Variants in DNTTIP1 observed in about 807,000 individuals in gnomAD.
DNTTIP1 encodes the protein deoxynucleotidyltransferase terminal interacting protein 1, also known as deoxynucleotidyltransferase terminal-interacting protein 1.
DNTTIP1 carries 22 observed loss-of-function variants against 52.9 expected under a neutral mutation model. The observed-to-expected ratio is 0.42, with a 90% confidence interval of 0.30 to 0.59. DNTTIP1 has a LOEUF of 0.59. DNTTIP1 is among the 20% of genes least tolerant of loss of function. The probability of loss-of-function intolerance (pLI) is 0.22; values close to 1 mark genes in which losing one functional copy is unlikely to be tolerated. For synonymous variants in DNTTIP1, 136 were observed against 155.1 expected (o/e 0.88, Z 0.92); for missense variants, 286 against 435.5 (o/e 0.66, Z 3.06).
intron 3 of DNTTIP1, 92 bp downstream of exon 3, chr20:45,794,109 A>G: frequency 1.5e-6 from 1 of 688,936 alleles, no homozygotes; most frequent in Non-Finnish European, 2.3e-6. Context: ...TTTCCTACAT[A>G]CAGATATCTA....
At position 45,801,060 on chromosome 20, in the gene DNTTIP1, C is replaced by A; in HGVS notation, c.373-14C>A. The A allele has an allele frequency of 6.2e-7, 1 of 1,612,810 alleles. No individual in the cohort carries two copies. Among genetic ancestry groups the A allele is most frequent in the South Asian group, 1.1e-5 (1 of 91,050 alleles). On this transcript the variant is annotated splice_polypyrimidine_tract_variant and intron_variant, in intron 4 of 12. Transcript: ENST00000372622. ...AAAATAGTGACTGGTAACACTTGGT[C>A]TTTTTCCCTTCAGGCTAAACTGCTC...
intron 5 of DNTTIP1, 108 bp downstream of exon 5, chr20:45,801,250 C>T: frequency 7.3e-7 from 1 of 1,372,204 alleles, no homozygotes; most frequent in Non-Finnish European, 1.0e-6. Flanking sequence ...TTTGTAGGAC[C>T]AGGCCCACAC....
chr20:45,802,472 A>G (rs1250594941), intron 7 of DNTTIP1, among the ~76,000 whole-genome samples: 1 of 152,160 alleles, frequency 6.6e-6, no homozygotes, highest in East Asian at 1.9e-4. Flanking sequence ...ATTTTCAAAT[A>G]TATATTTTTT....
intron 4 of DNTTIP1, among the ~76,000 whole-genome samples, 154 bp from the exon 5 acceptor site, chr20:45,800,920 G>A (rs1981445132): frequency 6.6e-6 from 1 of 150,494 alleles, no homozygotes; most frequent in Non-Finnish European, 1.5e-5. Flanking sequence ...CTTGAACCCA[G>A]GAGATGGAGG....
Position 45,811,308 on chromosome 20 carries a change from C to A in DNTTIP1, c.*113C>A. 1 of 1,315,456 alleles carries A rather than the reference C, an allele frequency of 7.6e-7. No homozygotes were observed. 81.5% of individuals were successfully genotyped at this position (1,315,456 alleles called of 1,614,324 possible). A position where few individuals can be genotyped will look rare whatever the true frequency, so the allele number is the denominator to read the frequency against. On this transcript the variant is annotated 3_prime_UTR_variant, in exon 13 of 13. Transcript: ENST00000372622. ...TGGATCTCAGCGGCATTAAGCTGTG[C>A]CTGAGCGAGTTTGTAGTGACTCACT...
chr20:45,794,111 A>G, intron 3 of DNTTIP1, 94 bp downstream of exon 3: 1 of 659,572 alleles, frequency 1.5e-6, no homozygotes, highest in Non-Finnish European at 2.4e-6. Context: ...TCCTACATAC[A>G]GATATCTAAA....
intron 10 of DNTTIP1, among the ~76,000 whole-genome samples, chr20:45,806,245 A>T (rs1601031432): frequency 6.6e-6 from 1 of 151,888 alleles, no homozygotes; most frequent in Admixed American, 6.6e-5. Flanking sequence ...TATCCCAGCT[A>T]TTCAGGAGGC....
At chr20:45,806,091 C>T (rs1372981896) in intron 10 of DNTTIP1, among the ~76,000 whole-genome samples, 3 of 151,326 alleles carry the variant, frequency 2.0e-5, no homozygotes, top group African/African-American at 4.9e-5. Context: ...CACAGTGGCT[C>T]ACGCCTGTAA....
chr20:45,807,565 T>C (rs1451644934), intron 10 of DNTTIP1, among the ~76,000 whole-genome samples: 1 of 152,230 alleles, frequency 6.6e-6, no homozygotes, highest in African/African-American at 2.4e-5. Flanking sequence ...TTTTCCTTTT[T>C]TAAATGTTTT....
intron 7 of DNTTIP1, among the ~76,000 whole-genome samples, chr20:45,802,272 A>C (rs1287603910): frequency 6.6e-6 from 1 of 152,186 alleles, no homozygotes; most frequent in Non-Finnish European, 1.5e-5. Context: ...GCTTGATGAA[A>C]GATTAAACTC....
At chr20:45,796,919 C>T (rs2145698908) in intron 4 of DNTTIP1, among the ~76,000 whole-genome samples, 1 of 152,276 alleles carries the variant, frequency 6.6e-6, no homozygotes, top group South Asian at 2.1e-4. Flanking sequence ...TTGCTCCAAC[C>T]TCATTGCCTA....
At chr20:45,808,530 C>T (rs749423482) in intron 10 of DNTTIP1, among the ~76,000 whole-genome samples, 3 of 151,404 alleles carry the variant, frequency 2.0e-5, no homozygotes, top group Non-Finnish European at 4.4e-5. Context: ...GTGCCAGCTA[C>T]TTGGGAGGCT....
intron 7 of DNTTIP1, 166 bp from the exon 8 acceptor site, chr20:45,803,166 TC>T: frequency 1.6e-6 from 1 of 635,006 alleles, no homozygotes. Context: ...TGGCTTCTAG[TC>T]CAGTGCTTTT....
Position 45,803,194 on chromosome 20 carries a change from C to G in DNTTIP1, c.558-139C>G, listed in dbSNP as rs1568708617. On this transcript the variant is annotated intron_variant, in intron 7 of 12. Coordinates refer to ENST00000372622, the MANE Select transcript of DNTTIP1 (RefSeq NM_052951.3). ...AGTGCTTTTTTTCCCTTTGTTCCTC[C>G]TCTTATGTGTCACCACGAAGGAGGA... 5 of 772,570 alleles carry G rather than the reference C, an allele frequency of 6.5e-6. No homozygotes were observed. In the South Asian group the frequency reaches 8.7e-5, roughly 13 times the overall value. The allele number at this position is 772,570 out of a possible 1,614,324, so 47.9% of individuals were successfully genotyped here. A position where few individuals can be genotyped will look rare whatever the true frequency, so the allele number is the denominator to read the frequency against.
At chr20:45,803,402 A>G in intron 8 of DNTTIP1, 24 bp downstream of exon 8, 1 of 1,613,838 alleles carries the variant, frequency 6.2e-7, no homozygotes. Context: ...AGCATGGCAG[A>G]GATCACGATC....
rs1981767000 is a variant in DNTTIP1, at chr20:45,809,837, C to T, written c.795+652C>T. ...CTAAGTGCCTTACAAACTGATATGC[C>T]ATCTCCTTTCTGGCAGTGAGAGCTA... On this transcript the variant is annotated intron_variant, in intron 11 of 12. Coordinates refer to ENST00000372622, the MANE Select transcript of DNTTIP1 (RefSeq NM_052951.3). The surrounding 1 kb of genome is among the most constrained non-coding windows in gnomAD (Gnocchi z 4.2). 6.6e-6 allele frequency among the ~76,000 whole-genome samples: 1 copy of T among 152,176 alleles called. No homozygotes were observed. The highest frequency in any genetic ancestry group is 1.5e-5 in the Non-Finnish European group (1 of 68,034).
chr20:45,809,225 C>T lies in DNTTIP1; in HGVS notation c.795+40C>T, dbSNP rs1981746404. The T allele has an allele frequency of 6.3e-7, 1 of 1,588,374 alleles. No homozygotes were observed. Among genetic ancestry groups the T allele is most frequent in the African/African-American group, 1.3e-5 (1 of 74,418 alleles). On this transcript the variant is annotated intron_variant, in intron 11 of 12. Coordinates refer to ENST00000372622, the MANE Select transcript of DNTTIP1 (RefSeq NM_052951.3). This position sits in a 1 kb window ranked among gnomAD's most constrained non-coding sequence, Gnocchi z 4.2. Reference sequence around the variant, plus strand: ...TTTGTGCCACTGCCAGTGACCCACCCCACCTGGGAACCAGGATTTTGGCTG... The same window carrying T: ...TTTGTGCCACTGCCAGTGACCCACCTCACCTGGGAACCAGGATTTTGGCTG...
At position 45,809,285 on chromosome 20, in the gene DNTTIP1, A is replaced by T; in HGVS notation, c.795+100A>T. ...GCCTACCTCCAAATCTGACTTCCAAAGCCTCACCAATGTGTGAGAAGAGAG... is the reference window on the plus strand; with the variant it reads ...GCCTACCTCCAAATCTGACTTCCAATGCCTCACCAATGTGTGAGAAGAGAG... On this transcript the variant is annotated intron_variant, in intron 11 of 12. Transcript: ENST00000372622. The surrounding 1 kb of genome is among the most constrained non-coding windows in gnomAD (Gnocchi z 4.2). The T allele has an allele frequency of 9.9e-7, 1 of 1,010,356 alleles. No individual in the cohort carries two copies. The highest frequency in any genetic ancestry group is 1.6e-6 in the Non-Finnish European group (1 of 644,522). The allele number at this position is 1,010,356 out of a possible 1,614,324, so 62.6% of individuals were successfully genotyped here.
Position 45,800,693 on chromosome 20 carries a change from AAATATATATATAT to A in DNTTIP1, c.373-379_373-367del, listed in dbSNP as rs1981419341. Among the ~76,000 whole-genome samples the A allele has an allele frequency of 2.0e-3, 60 of 30,526 alleles. 6 individuals are homozygous for A. Among genetic ancestry groups the A allele is most frequent in the Non-Finnish European group, 3.1e-3 (51 of 16,416 alleles). 20.0% of individuals were successfully genotyped at this position (30,526 alleles called of 152,430 possible). A position where few individuals can be genotyped will look rare whatever the true frequency, so the allele number is the denominator to read the frequency against. ...CCATCTCAATTTAAAAAAAAAAAAA[AAATATATATATAT>A]ATATATATATATATATATATATATA... On this transcript the variant is annotated intron_variant, in intron 4 of 12. Transcript: ENST00000372622.
Sources: allele counts gnomAD v4.1 joint callset (sites outside exome capture counted in the v4.1 genomes callset), GRCh38; gene constraint gnomAD v4.1.1; non-coding constraint Gnocchi (gnomAD v3.1); transcripts MANE v1.5; gene names NCBI Gene and HGNC (gene_info 2026-07-23, HGNC 2026-07-21).